The following USP19 variants were observed in gnomAD, a reference collection of about 807,000 sequenced individuals.
USP19 encodes the protein ubiquitin specific peptidase 19, also known as ubiquitin carboxyl-terminal hydrolase 19.
USP19 carries 40 observed loss-of-function variants against 144.8 expected under a neutral mutation model. The ratio of observed to expected loss-of-function variants is 0.28; its 90% CI spans 0.21 to 0.36. The LOEUF is 0.36. Ranked by LOEUF, USP19 falls within the 10% of genes least tolerant of loss-of-function variation. The pLI, the probability that USP19 is intolerant of heterozygous loss-of-function variation, is 1.00. For missense variants in USP19, 1,518 were observed against 1,822.5 expected (o/e 0.83, Z 3.04); for synonymous variants, 701 against 709.3 (o/e 0.99, Z 0.19).
chr3:49,118,019 G>T lies in USP19; in HGVS notation c.226C>A (p.His76Asn). Residue 76 changes from histidine (H) to asparagine (N), a missense_variant, in exon 3 of 27, where the codon CAC (histidine) becomes AAC (asparagine). Coordinates refer to ENST00000417901, the MANE Select transcript of USP19 (RefSeq NM_001199161.2). ...SHAAGITGSRHRTRLFFPSSS... is the reference protein window; with the variant it reads ...SHAAGITGSRNRTRLFFPSSS... Reference sequence around the variant, plus strand: ...GAAGGAAAGAACAGCCGGGTACGGTGGCGTGAGCCTGTGATCCCAGCTGCA... The same window carrying T: ...GAAGGAAAGAACAGCCGGGTACGGTTGCGTGAGCCTGTGATCCCAGCTGCA... 1 of 1,603,384 alleles carries T rather than the reference G, an allele frequency of 6.2e-7. No homozygotes were observed.
chr3:49,116,596 T>A lies in USP19; in HGVS notation c.1138A>T (p.Met380Leu). ...TTCTTGACAAACGCCAGGTTCACCATCGACTCGGGCTCTATATTGAGACCA... is the reference window on the plus strand; with the variant it reads ...TTCTTGACAAACGCCAGGTTCACCAACGACTCGGGCTCTATATTGAGACCA... Reference protein sequence around the residue: ...AATLVDEPESMVNLAFVKNDS... With the variant: ...AATLVDEPESLVNLAFVKNDS... The change falls in exon 8 of 27, where the codon ATG (methionine) becomes TTG (leucine). Residue 380 changes from methionine (M) to leucine (L), a missense_variant. Physicochemically the swap from Met to Leu is conservative, Grantham distance 15 (BLOSUM62 2). This residue lies in a region of USP19 where 707 missense variants were observed against 728.9 expected (regional missense o/e 0.97). Coordinates refer to ENST00000417901, the MANE Select transcript of USP19 (RefSeq NM_001199161.2). The surrounding 1 kb of genome is among the most constrained non-coding windows in gnomAD (Gnocchi z 5.0). 1 of 1,614,150 alleles carries A rather than the reference T, an allele frequency of 6.2e-7. No homozygotes were observed. Among genetic ancestry groups the A allele is most frequent in the Non-Finnish European group, 8.5e-7 (1 of 1,180,022 alleles).
At chr3:49,119,740 A>T (rs2044834422) in intron 1 of USP19, among the ~76,000 whole-genome samples, 1 of 152,210 alleles carries the variant, frequency 6.6e-6, no homozygotes, top group South Asian at 2.1e-4. Context: ...CTGTGGCTGT[A>T]AACAGGCTCA....
In USP19 at chr3:49,115,801, C is replaced by T. The variant is rs1280753908; in HGVS notation, c.1615G>A (p.Asp539Asn). 4 of 1,613,992 alleles carry T rather than the reference C, an allele frequency of 2.5e-6. No individual in the cohort carries two copies. Among genetic ancestry groups the T allele is most frequent in the Non-Finnish European group, 3.4e-6 (4 of 1,179,958 alleles). ...GTTGCCACACTGTCTAGCCCTGTGTCCTCAGATCGTGCCTTGGATTTATCC... is the reference window on the plus strand; with the variant it reads ...GTTGCCACACTGTCTAGCCCTGTGTTCTCAGATCGTGCCTTGGATTTATCC... ...EKDKSKARSE[D>N]TGLDSVATRT... The change falls in exon 11 of 27, where the codon GAC (aspartate) becomes AAC (asparagine). Residue 539 changes from aspartate (D) to asparagine (N), a missense_variant. Asp to Asn is a conservative substitution (Grantham distance 23). Coordinates refer to ENST00000417901, the MANE Select transcript of USP19 (RefSeq NM_001199161.2). This position sits in a 1 kb window ranked among gnomAD's most constrained non-coding sequence, Gnocchi z 6.6.
chr3:49,119,114 C>T lies in USP19; in HGVS notation c.32G>A (p.Arg11Lys). Residue 11 changes from arginine (R) to lysine (K), a missense_variant, in exon 2 of 27, where the codon AGG becomes AAG. Transcript: ENST00000417901. ...GTCCTCCAGTCCTGGGGGCCCTCTC[C>T]TTGGGCCTGTGGCACTGGCCCCGCC... is the stretch of plus-strand genomic sequence containing the variant. MSGGASATGP[R>K]RGPPGLEDTT... 1 of 1,613,740 alleles carries T rather than the reference C, an allele frequency of 6.2e-7. No individual in the cohort carries two copies. Among genetic ancestry groups the T allele is most frequent in the Non-Finnish European group, 8.5e-7 (1 of 1,179,944 alleles).
In USP19 at chr3:49,118,016, G is replaced by A. The variant is rs769412252; in HGVS notation, c.229C>T (p.Arg77Cys). 2.2e-5 allele frequency: 36 copies of A among 1,604,104 alleles called. No homozygotes were observed. Among genetic ancestry groups the A allele is most frequent in the Non-Finnish European group, 3.0e-5 (35 of 1,177,702 alleles). ...GATGAAGGAAAGAACAGCCGGGTAC[G>A]GTGGCGTGAGCCTGTGATCCCAGCT... ...HAAGITGSRH[R>C]TRLFFPSSSG... is the part of the protein sequence containing the mutation. The change falls in exon 3 of 27, where the codon CGT becomes TGT. Residue 77 changes from arginine (R) to cysteine (C), a missense_variant. Transcript: ENST00000417901.
At position 49,112,337 on chromosome 3, in the gene USP19, C is replaced by G; in HGVS notation, c.2712G>C (p.Glu904Asp). 1 of 1,613,974 alleles carries G rather than the reference C, an allele frequency of 6.2e-7. No individual in the cohort carries two copies. The highest frequency in any genetic ancestry group is 8.5e-7 in the Non-Finnish European group (1 of 1,179,932). The change falls in exon 19 of 27, where the codon GAG becomes GAC. Residue 904 changes from glutamate (E) to aspartate (D), a missense_variant. Around this residue, in one of 5 missense-constraint regions of USP19, gnomAD observed 413 missense variants for 515.8 expected, o/e 0.80. Transcript: ENST00000417901. The surrounding 1 kb of genome is among the most constrained non-coding windows in gnomAD (Gnocchi z 4.9). Reference protein sequence around the residue: ...CAACQRKQQSEDEKLKRCTRC... With the variant: ...CAACQRKQQSDDEKLKRCTRC... ...GGGTACAGCGCTTCAGCTTTTCATCCTCCGACTGTTGCTTCCGCTGGCAGG... is the reference window on the plus strand; with the variant it reads ...GGGTACAGCGCTTCAGCTTTTCATCGTCCGACTGTTGCTTCCGCTGGCAGG...
chr3:49,114,287 G>A lies in USP19; in HGVS notation c.2293-3C>T. 1 of 1,613,814 alleles carries A rather than the reference G, an allele frequency of 6.2e-7. No individual in the cohort carries two copies. Among genetic ancestry groups the A allele is most frequent in the South Asian group, 1.1e-5 (1 of 91,070 alleles). On this transcript the variant is annotated splice_region_variant and splice_polypyrimidine_tract_variant and intron_variant, in intron 15 of 26. Transcript: ENST00000417901. The surrounding 1 kb of genome is among the most constrained non-coding windows in gnomAD (Gnocchi z 4.5). ...AACGGGTCAAAAGTGATGGAGACCTGTGGATGTAGAGGTGGCACTGGGTAG... is the reference window on the plus strand; with the variant it reads ...AACGGGTCAAAAGTGATGGAGACCTATGGATGTAGAGGTGGCACTGGGTAG...
chr3:49,113,775 G>C lies in USP19; in HGVS notation c.2505+217C>G, dbSNP rs543853699. Among the ~76,000 whole-genome samples, 446 of 152,150 alleles carry C rather than the reference G, an allele frequency of 2.9e-3. 4 individuals are homozygous for C. Among genetic ancestry groups the C allele is most frequent in the African/African-American group, 0.01 (425 of 41,520 alleles). The stretch of plus-strand genomic sequence containing the variant: ...CCATGCCCAGCTAATTTTATTTCTT[G>C]TAGAGACAGTGTTTCACCAAGTTGC... On this transcript the variant is annotated intron_variant, in intron 17 of 26. Transcript: ENST00000417901.
At position 49,116,174 on chromosome 3, in the gene USP19, G is replaced by A; in HGVS notation, c.1356-12C>T. On this transcript the variant is annotated splice_polypyrimidine_tract_variant and intron_variant, in intron 9 of 26. Coordinates refer to ENST00000417901, the MANE Select transcript of USP19 (RefSeq NM_001199161.2). The surrounding 1 kb of genome is among the most constrained non-coding windows in gnomAD (Gnocchi z 5.0). Reference sequence around the variant, plus strand: ...GCTCAATCAGATTCCTGTGGGAAAAGGCTGAACTCAGGGACTTAGGAGGAA... The same window carrying A: ...GCTCAATCAGATTCCTGTGGGAAAAAGCTGAACTCAGGGACTTAGGAGGAA... 1 of 1,613,924 alleles carries A rather than the reference G, an allele frequency of 6.2e-7. No individual in the cohort carries two copies. The highest frequency in any genetic ancestry group is 8.5e-7 in the Non-Finnish European group (1 of 1,179,924).
rs763035054 is a variant in USP19 at position 49,116,857 on chromosome 3, T to C, written c.996A>G (p.Ala332=). ...TCCCGGGAGGCACTGCTTTCTCTCCTGCCAAAGGGGCTAAATTCTCCTCTG... is the reference window on the plus strand; with the variant it reads ...TCCCGGGAGGCACTGCTTTCTCTCCCGCCAAAGGGGCTAAATTCTCCTCTG... ...LGSEENLAPL[A]GEKAVPPGND... is the part of the protein sequence containing the mutation. The change falls in exon 7 of 27, where the codon GCA becomes GCG. Residue 332 remains alanine (A), a synonymous_variant. Transcript: ENST00000417901. This position sits in a 1 kb window ranked among gnomAD's most constrained non-coding sequence, Gnocchi z 5.0. The C allele has an allele frequency of 6.2e-7, 1 of 1,614,128 alleles. No individual in the cohort carries two copies. The highest frequency in any genetic ancestry group is 1.7e-5 in the Admixed American group (1 of 60,028).
rs1236080807 is a variant in USP19, at chr3:49,108,463, G to C, written c.4104C>G (p.Pro1368=). Residue 1368 remains proline (P), a synonymous_variant, in exon 27 of 27, where the codon CCC becomes CCG. Coordinates refer to ENST00000417901, the MANE Select transcript of USP19 (RefSeq NM_001199161.2). This position sits in a 1 kb window ranked among gnomAD's most constrained non-coding sequence, Gnocchi z 4.8. Reference sequence around the variant, plus strand: ...AGGTGGGGGCTGGCCGATCCACAGGGGGGGCGAAGCGTTCAGGGGCTGTCC... The same window carrying C: ...AGGTGGGGGCTGGCCGATCCACAGGCGGGGCGAAGCGTTCAGGGGCTGTCC... The part of the protein sequence containing the change: ...PTRTAPERFA[P]PVDRPAPTYS... 2 of 1,356,090 alleles carry C rather than the reference G, an allele frequency of 1.5e-6. No individual in the cohort carries two copies. Among genetic ancestry groups the C allele is most frequent in the South Asian group, 1.8e-5 (1 of 56,688 alleles). 84.0% of individuals were successfully genotyped at this position (1,356,090 alleles called of 1,614,324 possible). A position where few individuals can be genotyped will look rare whatever the true frequency, so the allele number is the denominator to read the frequency against.
Position 49,112,758 on chromosome 3 carries a change from G to A in USP19, c.2506-129C>T, listed in dbSNP as rs1179679300. The A allele has an allele frequency of 7.7e-7, 1 of 1,300,586 alleles. No homozygotes were observed. The highest frequency in any genetic ancestry group is 1.0e-6 in the Non-Finnish European group (1 of 967,408). The allele number at this position is 1,300,586 out of a possible 1,614,324, so 80.6% of individuals were successfully genotyped here. ...GTGGTGAGGTCTGTAGGCCCAAATA[G>A]GCTTATGCCTCTGCTGGCACCTGTC... is the stretch of plus-strand genomic sequence containing the variant. On this transcript the variant is annotated intron_variant, in intron 17 of 26. Coordinates refer to ENST00000417901, the MANE Select transcript of USP19 (RefSeq NM_001199161.2). The surrounding 1 kb of genome is among the most constrained non-coding windows in gnomAD (Gnocchi z 4.9).
chr3:49,119,136 C>A lies in USP19; in HGVS notation c.10G>T (p.Gly4Trp). 1.2e-6 allele frequency: 2 copies of A among 1,611,896 alleles called. No individual in the cohort carries two copies. The highest frequency in any genetic ancestry group is 8.5e-7 in the Non-Finnish European group (1 of 1,179,260). Residue 4 changes from glycine (G) to tryptophan (W), a missense_variant, in exon 2 of 27, where the codon GGG (glycine) becomes TGG (tryptophan). By Grantham distance (184) the Gly-to-Trp change is radical (BLOSUM62 -2). This residue lies in a region of USP19 where 707 missense variants were observed against 728.9 expected (regional missense o/e 0.97). Transcript: ENST00000417901. ...CTCCTTGGGCCTGTGGCACTGGCCC[C>A]GCCAGACATCTTGAGCCGCTTGGTC... MSG[G>W]ASATGPRRGP... is the part of the protein sequence containing the mutation.
At position 49,111,921 on chromosome 3, in the gene USP19, C is replaced by T. The variant is rs1293794244; in HGVS notation, c.2893G>A (p.Gly965Ser). The T allele has an allele frequency of 1.2e-6, 2 of 1,614,058 alleles. No individual in the cohort carries two copies. The highest frequency in any genetic ancestry group is 1.7e-6 in the Non-Finnish European group (2 of 1,179,998). Residue 965 changes from glycine to serine, a missense_variant, in exon 20 of 27, where the codon GGC (glycine) becomes AGC (serine). This residue lies in a region of USP19 where 413 missense variants were observed against 515.8 expected (regional missense o/e 0.80). Transcript: ENST00000417901. This position sits in a 1 kb window ranked among gnomAD's most constrained non-coding sequence, Gnocchi z 5.9. The part of the protein sequence containing the change: ...TYARLAQLLE[G>S]YARYSVSVFQ... Reference sequence around the variant, plus strand: ...CCACTGGGCACTTACCGGGCATAGCCCTCTAGCAACTGAGCGAGGCGGGCA... The same window carrying T: ...CCACTGGGCACTTACCGGGCATAGCTCTCTAGCAACTGAGCGAGGCGGGCA...
In USP19 at chr3:49,119,100, C is replaced by T. The variant is rs368301917; in HGVS notation, c.46G>A (p.Gly16Arg). ...TTCTTACTAGTGGTGTCCTCCAGTC[C>T]TGGGGGCCCTCTCCTTGGGCCTGTG... ...SATGPRRGPPGLEDTTSKKKQ... is the reference protein window; with the variant it reads ...SATGPRRGPPRLEDTTSKKKQ... Residue 16 changes from glycine to arginine, a missense_variant, in exon 2 of 27, where the codon GGA (glycine) becomes AGA (arginine). Gly to Arg is a moderately radical substitution (Grantham distance 125). Around this residue, in one of 5 missense-constraint regions of USP19, gnomAD observed 707 missense variants for 728.9 expected, o/e 0.97. Transcript: ENST00000417901. 2 of 1,614,056 alleles carry T rather than the reference C, an allele frequency of 1.2e-6. No homozygotes were observed. Among genetic ancestry groups the T allele is most frequent in the Non-Finnish European group, 8.5e-7 (1 of 1,180,010 alleles).
chr3:49,119,200 G>C lies in USP19; in HGVS notation c.-55C>G. On this transcript the variant is annotated 5_prime_UTR_variant, in exon 2 of 27. Transcript: ENST00000417901. ...CCCCGGGGTCGGCAACAGCGTCTGG[G>C]TCAGGGCTGCGGCGCTTTCTTCCTG... 1 of 1,574,340 alleles carries C rather than the reference G, an allele frequency of 6.4e-7. No individual in the cohort carries two copies.
chr3:49,109,178 C>T lies in USP19; in HGVS notation c.4039-650G>A, dbSNP rs988751012. ...CTCAGCCTCCAGCTCCTGCCAAATCCGGGAAGCCTAGGGTATGTGGAAACG... is the reference window on the plus strand; with the variant it reads ...CTCAGCCTCCAGCTCCTGCCAAATCTGGGAAGCCTAGGGTATGTGGAAACG... On this transcript the variant is annotated intron_variant, in intron 26 of 26. Coordinates refer to ENST00000417901, the MANE Select transcript of USP19 (RefSeq NM_001199161.2). 13 of 1,482,632 alleles carry T rather than the reference C, an allele frequency of 8.8e-6. No homozygotes were observed. Among genetic ancestry groups the T allele is most frequent in the Admixed American group, 5.4e-5 (2 of 36,922 alleles). The allele number at this position is 1,482,632 out of a possible 1,614,324, so 91.8% of individuals were successfully genotyped here. A position where few individuals can be genotyped will look rare whatever the true frequency, so the allele number is the denominator to read the frequency against.
chr3:49,117,997 G>A lies in USP19; in HGVS notation c.248C>T (p.Pro83Leu). The change falls in exon 3 of 27, where the codon CCT (proline) becomes CTT (leucine). Residue 83 changes from proline to leucine, a missense_variant. Physicochemically the swap from Pro to Leu is moderately conservative, Grantham distance 98. This residue lies in a region of USP19 where 707 missense variants were observed against 728.9 expected (regional missense o/e 0.97). Transcript: ENST00000417901. The surrounding 1 kb of genome is among the most constrained non-coding windows in gnomAD (Gnocchi z 4.4). ...AGTGGATGCTGACCCTGACGATGAA[G>A]GAAAGAACAGCCGGGTACGGTGGCG... ...GSRHRTRLFFPSSSGSASTPQ... is the reference protein window; with the variant it reads ...GSRHRTRLFFLSSSGSASTPQ... The A allele has an allele frequency of 6.2e-7, 1 of 1,608,440 alleles. No homozygotes were observed. Among genetic ancestry groups the A allele is most frequent in the Non-Finnish European group, 8.5e-7 (1 of 1,178,682 alleles).
chr3:49,112,331 T>C lies in USP19; in HGVS notation c.2718A>G (p.Glu906=), dbSNP rs778566812. The change falls in exon 19 of 27, where the codon GAA becomes GAG. Residue 906 remains glutamate, a synonymous_variant. Transcript: ENST00000417901. The surrounding 1 kb of genome is among the most constrained non-coding windows in gnomAD (Gnocchi z 4.9). ...ACQRKQQSED[E]KLKRCTRCYR... Reference sequence around the variant, plus strand: ...AGCACCGGGTACAGCGCTTCAGCTTTTCATCCTCCGACTGTTGCTTCCGCT... The same window carrying C: ...AGCACCGGGTACAGCGCTTCAGCTTCTCATCCTCCGACTGTTGCTTCCGCT... The C allele has an allele frequency of 4.3e-6, 7 of 1,613,882 alleles. No homozygotes were observed. Among genetic ancestry groups the C allele is most frequent in the South Asian group, 3.3e-5 (3 of 91,070 alleles).
Sources: allele counts gnomAD v4.1 joint callset (sites outside exome capture counted in the v4.1 genomes callset), GRCh38; gene constraint gnomAD v4.1.1; regional missense constraint gnomAD v4.1.1; non-coding constraint Gnocchi (gnomAD v3.1); transcripts MANE v1.5; gene names NCBI Gene and HGNC (gene_info 2026-07-23, HGNC 2026-07-21).